MGAT4C: variants seen among roughly 807,000 people sequenced by gnomAD.
The protein encoded by MGAT4C is alpha-1,3-mannosyl-glycoprotein 4-beta-N-acetylglucosaminyltransferase C.
In MGAT4C, 19 loss-of-function variants were observed where a neutral mutation model predicts 40.1. The observed-to-expected ratio is 0.47, with a 90% CI of 0.33 to 0.70. The LOEUF (loss-of-function observed/expected upper bound fraction) is 0.70, where lower values mean the gene tolerates loss of function less well. Ranked by LOEUF, MGAT4C falls within the 30% of genes least tolerant of loss-of-function variation. MGAT4C has a pLI of 0.02. For synonymous variants in MGAT4C, 181 were observed against 187.1 expected (o/e 0.97, Z 0.27); for missense variants, 491 against 563.2 (o/e 0.87, Z 1.30).
At chr12:86,100,062 G>A (rs570299190) in intron 1 of MGAT4C, among the ~76,000 whole-genome samples, 28 of 141,984 alleles carry the variant, frequency 2.0e-4, no homozygotes, top group African/African-American at 5.6e-4. Context: ...TATTAAATTC[G>A]AATAGCATTT....
chr12:86,078,843 T>C (rs1460185525), intron 1 of MGAT4C, among the ~76,000 whole-genome samples: 3 of 152,194 alleles, frequency 2.0e-5, no homozygotes, highest in Non-Finnish European at 2.9e-5. Context: ...AATCCTCCTC[T>C]GCTGAGGTCA....
At chr12:86,206,530 G>T (rs922437671) in intron 1 of MGAT4C, among the ~76,000 whole-genome samples, 3 of 152,092 alleles carry the variant, frequency 2.0e-5, no homozygotes, top group African/African-American at 7.2e-5. Context: ...GAAACCTACT[G>T]ATTTTTTTTG....
intron 1 of MGAT4C, among the ~76,000 whole-genome samples, chr12:86,734,463 G>T (rs1237811632): frequency 1.3e-5 from 2 of 151,978 alleles, no homozygotes; most frequent in African/African-American, 4.8e-5. Context: ...CTGAATATTT[G>T]TGCCCTCCTC....
chr12:86,558,080 A>G (rs920158622), intron 2 of MGAT4C, among the ~76,000 whole-genome samples: 7 of 152,104 alleles, frequency 4.6e-5, no homozygotes, highest in Admixed American at 1.3e-4. Flanking sequence ...AAATTTAAAA[A>G]TACAATGAAG....
At chr12:86,631,084 A>C (rs1048039021) in intron 2 of MGAT4C, among the ~76,000 whole-genome samples, 11 of 152,204 alleles carry the variant, frequency 7.2e-5, no homozygotes, top group African/African-American at 2.7e-4. Context: ...ATGTGCAAAA[A>C]TCACAAGCAT....
At chr12:86,034,265 CTAGAATGAG>C (rs1891016918) in intron 2 of MGAT4C, among the ~76,000 whole-genome samples, 1 of 149,470 alleles carries the variant, frequency 6.7e-6, no homozygotes, top group Non-Finnish European at 1.5e-5. Context: ...TGCTAGCCTC[CTAGAATGAG>C]TTAGGAAGGA....
chr12:85,995,888 A>G (rs1886569070), intron 2 of MGAT4C, among the ~76,000 whole-genome samples: 1 of 152,174 alleles, frequency 6.6e-6, no homozygotes, highest in South Asian at 2.1e-4. Flanking sequence ...AACAACAACA[A>G]AAAGAATACT....
intron 1 of MGAT4C, among the ~76,000 whole-genome samples, chr12:86,148,311 C>T (rs1883824083): frequency 6.6e-6 from 1 of 152,136 alleles, no homozygotes; most frequent in Non-Finnish European, 1.5e-5. Context: ...GTGTAACAAG[C>T]CTGCACTTGT....
chr12:85,999,495 C>A (rs1376943584), intron 2 of MGAT4C, among the ~76,000 whole-genome samples: 1 of 149,974 alleles, frequency 6.7e-6, no homozygotes, highest in East Asian at 1.9e-4. Context: ...CTGTGTATTG[C>A]AGCACTATTC....
At chr12:86,533,481 A>G (rs1035635420) in intron 2 of MGAT4C, among the ~76,000 whole-genome samples, 1 of 151,924 alleles carries the variant, frequency 6.6e-6, no homozygotes, top group Admixed American at 6.6e-5. Flanking sequence ...CTACTCTGAC[A>G]CTGAAATTTT....
intron 2 of MGAT4C, among the ~76,000 whole-genome samples, chr12:86,665,446 G>A (rs1400799718): frequency 6.6e-6 from 1 of 151,398 alleles, no homozygotes; most frequent in Admixed American, 6.6e-5. Flanking sequence ...GCGTGATCTC[G>A]GCTCACTGCA....
chr12:86,160,256 A>G (rs1885446937), intron 1 of MGAT4C, among the ~76,000 whole-genome samples: 2 of 151,980 alleles, frequency 1.3e-5, no homozygotes, highest in Admixed American at 1.3e-4. Context: ...CATATATTTC[A>G]AAGACTTTTT....
At chr12:86,505,277 T>C (rs1180959357) in intron 2 of MGAT4C, among the ~76,000 whole-genome samples, 1 of 152,156 alleles carries the variant, frequency 6.6e-6, no homozygotes, top group Admixed American at 6.6e-5. Flanking sequence ...TAATAAACTA[T>C]GTAAGATAGA....
At chr12:86,393,909 G>T (rs1223200735) in intron 3 of MGAT4C, among the ~76,000 whole-genome samples, 1 of 152,186 alleles carries the variant, frequency 6.6e-6, no homozygotes, top group African/African-American at 2.4e-5. Flanking sequence ...CCCTCACCTT[G>T]TCAGGATTTA....
At chr12:86,042,672 T>C (rs890744552) in intron 2 of MGAT4C, among the ~76,000 whole-genome samples, 2 of 151,996 alleles carry the variant, frequency 1.3e-5, no homozygotes, top group South Asian at 2.1e-4. Context: ...GAGACCATCC[T>C]GGCTAACACG....
chr12:86,220,060 A>G (rs968453298), intron 1 of MGAT4C, among the ~76,000 whole-genome samples: 32 of 152,114 alleles, frequency 2.1e-4, no homozygotes, highest in African/African-American at 7.7e-4. Context: ...GGACTGTAGC[A>G]AGTTCTTACC....
chr12:86,019,021 T>C (rs1163360353), intron 2 of MGAT4C, among the ~76,000 whole-genome samples: 2 of 152,038 alleles, frequency 1.3e-5, no homozygotes, highest in African/African-American at 2.4e-5. Flanking sequence ...CTTAAATATA[T>C]ATATAAATTT....
chr12:86,147,192 A>G (rs1393030814), intron 1 of MGAT4C, among the ~76,000 whole-genome samples: 1 of 152,210 alleles, frequency 6.6e-6, no homozygotes, highest in African/African-American at 2.4e-5. Context: ...GAGTTTTCTA[A>G]GACTAGATGA....
intron 2 of MGAT4C, among the ~76,000 whole-genome samples, 182 bp downstream of exon 2, chr12:86,049,492 T>C (rs1892702728): frequency 6.6e-6 from 1 of 152,088 alleles, no homozygotes; most frequent in Admixed American, 6.6e-5. Flanking sequence ...TCAAGAAATG[T>C]TGTTAAGAGT....
Sources: gnomAD v4.1 joint callset for allele counts (sites outside exome capture counted in the v4.1 genomes callset) on GRCh38, gnomAD v4.1.1 for gene constraint, MANE v1.5 for transcripts, NCBI Gene and HGNC (gene_info 2026-07-23, HGNC 2026-07-21) for gene names.